NWD2: variants seen among roughly 807,000 people sequenced by gnomAD.
The protein encoded by NWD2 is NACHT and WD repeat domain containing 2, also known as NACHT and WD repeat domain-containing protein 2.
A neutral mutation model predicts 132.7 loss-of-function variants in NWD2; 37 were observed. The ratio of observed to expected loss-of-function variants is 0.28; its 90% CI spans 0.21 to 0.37. The LOEUF (loss-of-function observed/expected upper bound fraction) is 0.37. Ranked by LOEUF, NWD2 falls within the 10% of genes least tolerant of loss-of-function variation. The pLI, the probability that NWD2 is intolerant of heterozygous loss-of-function variation, is 1.00. For missense variants in NWD2, 1,592 were observed against 2,122.4 expected, an observed-to-expected ratio of 0.75 and a Z score of 4.91; for synonymous variants, 705 against 803.0, an observed-to-expected ratio of 0.88 and a Z score of 2.06.
chr4:37,395,444 C>T (rs1024349086), intron 3 of NWD2, among the ~76,000 whole-genome samples: 74 of 151,482 alleles, frequency 4.9e-4, no homozygotes, highest in Admixed American at 2.2e-3. Flanking sequence ...GACTCACTTT[C>T]AAGTAGTAAG....
chr4:37,431,731 G>A (rs916999635), intron 4 of NWD2, among the ~76,000 whole-genome samples: 3 of 152,088 alleles, frequency 2.0e-5, no homozygotes, highest in Non-Finnish European at 4.4e-5. Context: ...ATCACATTGT[G>A]CACCTTTAAA....
intron 3 of NWD2, among the ~76,000 whole-genome samples, chr4:37,425,782 C>G (rs1296829992): frequency 1.3e-5 from 2 of 152,194 alleles, no homozygotes; most frequent in African/African-American, 4.8e-5. Flanking sequence ...AAATCTGTTT[C>G]TCTTTCAGTG....
At position 37,404,537 on chromosome 4, in the gene NWD2, C is replaced by T. The variant is rs1720957787; in HGVS notation, c.358-26035C>T. 2.0e-5 allele frequency among the ~76,000 whole-genome samples: 3 copies of T among 152,212 alleles called. No homozygotes were observed. The South Asian group carries it at 6.2e-4, about 32-fold the overall frequency. On this transcript the variant is annotated intron_variant, in intron 3 of 6. Transcript: ENST00000309447. ...AGTCTGTGAGCCCTTACAGACAATA[C>T]CATGCTTTTTGTTCTTTCACCACTG... is the stretch of plus-strand genomic sequence containing the variant.
intron 1 of NWD2, among the ~76,000 whole-genome samples, chr4:37,284,038 A>G (rs1245526296): frequency 6.6e-6 from 1 of 152,238 alleles, no homozygotes; most frequent in Non-Finnish European, 1.5e-5. Context: ...ATTGTTATAA[A>G]TCAGTATAGA....
intron 1 of NWD2, among the ~76,000 whole-genome samples, chr4:37,283,472 A>G (rs1399604803): frequency 2.6e-5 from 4 of 152,198 alleles, no homozygotes; most frequent in Non-Finnish European, 4.4e-5. Flanking sequence ...ATAGGGGTCA[A>G]TGTTTCAATA....
Position 37,444,074 on chromosome 4 carries a change from A to G in NWD2, c.2086A>G (p.Arg696Gly). ...SVMSELKENT[R>G]PSNPLRVPYL... ...AATGAGTGAGCTCAAAGAAAACACC[A>G]GACCCAGCAATCCCCTGAGAGTACC... The change falls in exon 7 of 7, where the codon AGA becomes GGA. Residue 696 changes from arginine (R) to glycine (G), a missense_variant. Physicochemically the swap from Arg to Gly is moderately radical, Grantham distance 125. Around this residue, in one of 7 missense-constraint regions of NWD2, gnomAD observed 1,071 missense variants for 1,398.0 expected, o/e 0.77. Coordinates refer to ENST00000309447, the MANE Select transcript of NWD2 (RefSeq NM_001144990.2). The surrounding 1 kb of genome is among the most constrained non-coding windows in gnomAD (Gnocchi z 4.8). The G allele has an allele frequency of 6.4e-7, 1 of 1,551,828 alleles. No individual in the cohort carries two copies. Among genetic ancestry groups the G allele is most frequent in the South Asian group, 1.2e-5 (1 of 84,058 alleles).
intron 2 of NWD2, among the ~76,000 whole-genome samples, chr4:37,329,776 A>G (rs561149431): frequency 1.3e-5 from 2 of 151,952 alleles, no homozygotes; most frequent in South Asian, 2.1e-4. Flanking sequence ...CTTACCATTA[A>G]GAGGTTTGCT....
chr4:37,372,017 G>A (rs1439682223), intron 3 of NWD2, among the ~76,000 whole-genome samples: 2 of 152,078 alleles, frequency 1.3e-5, no homozygotes, highest in East Asian at 3.8e-4. Context: ...AAGGCAATTA[G>A]TATCATTTTT....
intron 1 of NWD2, among the ~76,000 whole-genome samples, chr4:37,306,258 G>GT (rs1718706497): frequency 2.0e-5 from 3 of 151,830 alleles, no homozygotes; most frequent in Admixed American, 2.0e-4. Context: ...TCTCAGTATC[G>GT]TTTATCTTTT....
Position 37,389,795 on chromosome 4 carries a change from T to C in NWD2, c.357+33313T>C, listed in dbSNP as rs980702560. 6.6e-5 allele frequency among the ~76,000 whole-genome samples: 10 copies of C among 152,116 alleles called. No homozygotes were observed. The East Asian group carries it at 1.9e-3, about 29-fold the overall frequency. On this transcript the variant is annotated intron_variant, in intron 3 of 6. Coordinates refer to ENST00000309447, the MANE Select transcript of NWD2 (RefSeq NM_001144990.2). The stretch of plus-strand genomic sequence containing the variant: ...TATCAAATCATACGCATTTTTTTTT[T>C]TACACAATGGAGTCTTGCCCTGTCA...
intron 3 of NWD2, among the ~76,000 whole-genome samples, chr4:37,382,161 C>T (rs918935116): frequency 6.6e-6 from 1 of 152,172 alleles, no homozygotes; most frequent in African/African-American, 2.4e-5. Flanking sequence ...TCCAGGCATA[C>T]TTGTATTTCG....
At chr4:37,251,025 A>G (rs1717347803) in intron 1 of NWD2, among the ~76,000 whole-genome samples, 1 of 152,250 alleles carries the variant, frequency 6.6e-6, no homozygotes, top group Non-Finnish European at 1.5e-5. Flanking sequence ...CTATAATCCC[A>G]GCACTTTGGG....
chr4:37,259,928 C>T (rs865991228), intron 1 of NWD2, among the ~76,000 whole-genome samples: 1 of 152,206 alleles, frequency 6.6e-6, no homozygotes, highest in Non-Finnish European at 1.5e-5. Flanking sequence ...TTTAAATTCC[C>T]ATGCCTTTCT....
intron 3 of NWD2, among the ~76,000 whole-genome samples, chr4:37,422,223 T>C (rs1477908114): frequency 1.3e-5 from 2 of 152,212 alleles, no homozygotes; most frequent in East Asian, 3.8e-4. Flanking sequence ...AACACACTGA[T>C]TATAATACAA....
At chr4:37,295,309 C>T (rs183514082) in intron 1 of NWD2, among the ~76,000 whole-genome samples, 4 of 152,206 alleles carry the variant, frequency 2.6e-5, no homozygotes, top group South Asian at 2.1e-4. Context: ...AGTAAATGAT[C>T]GTGTACTTTG....
In NWD2 at chr4:37,446,902, G is replaced by C. The variant is rs369544931; in HGVS notation, c.4914G>C (p.Gly1638=). Residue 1638 remains glycine, a synonymous_variant, in exon 7 of 7, where the codon GGG becomes GGC. Transcript: ENST00000309447. The surrounding 1 kb of genome is among the most constrained non-coding windows in gnomAD (Gnocchi z 6.7). ...ACATCATTGTGGGCTTTGATGATGG[G>C]AGTATAGGGATCTACACGGTAGTAG... ...HLNIIVGFDD[G]SIGIYTVVDR... 6.4e-7 allele frequency: 1 copy of C among 1,551,624 alleles called. No homozygotes were observed. The highest frequency in any genetic ancestry group is 8.7e-7 in the Non-Finnish European group (1 of 1,147,014).
In NWD2 at chr4:37,444,857, A is replaced by C. The variant is rs1347615265; in HGVS notation, c.2869A>C (p.Ser957Arg). The change falls in exon 7 of 7, where the codon AGC becomes CGC. Residue 957 changes from serine to arginine, a missense_variant. Ser to Arg is a moderately radical substitution (Grantham distance 110). Coordinates refer to ENST00000309447, the MANE Select transcript of NWD2 (RefSeq NM_001144990.2). The surrounding 1 kb of genome is among the most constrained non-coding windows in gnomAD (Gnocchi z 4.8). ...GCATTCATCCATGGATGTGACATAC[A>C]GCCCAGAGCGTCTTCCCTTATCATC... ...PLHSSMDVTY[S>R]PERLPLSSSH... The C allele has an allele frequency of 5.2e-6, 8 of 1,552,152 alleles. No individual in the cohort carries two copies. Among genetic ancestry groups the C allele is most frequent in the Non-Finnish European group, 7.0e-6 (8 of 1,147,132 alleles).
chr4:37,329,739 T>C (rs143726396), intron 2 of NWD2, among the ~76,000 whole-genome samples: 108 of 152,334 alleles, frequency 7.1e-4, no homozygotes, highest in African/African-American at 2.5e-3. Context: ...TTTATTGAGT[T>C]GGAAGGGAAA....
rs73809825 is a variant in NWD2, at chr4:37,444,416, G to T, written c.2428G>T (p.Ala810Ser). The T allele has an allele frequency of 6.4e-7, 1 of 1,552,084 alleles. No individual in the cohort carries two copies. Among genetic ancestry groups the T allele is most frequent in the East Asian group, 2.4e-5 (1 of 40,916 alleles). The change falls in exon 7 of 7, where the codon GCT becomes TCT. Residue 810 changes from alanine (A) to serine (S), a missense_variant. Coordinates refer to ENST00000309447, the MANE Select transcript of NWD2 (RefSeq NM_001144990.2). The surrounding 1 kb of genome is among the most constrained non-coding windows in gnomAD (Gnocchi z 4.8). ...FMEQASFDRQ[A>S]PDQPWVFQCN... ...GGAACAGGCTTCCTTTGACAGGCAG[G>T]CTCCAGACCAGCCCTGGGTTTTCCA...
Sources: allele counts gnomAD v4.1 joint callset (sites outside exome capture counted in the v4.1 genomes callset), GRCh38; gene constraint gnomAD v4.1.1; regional missense constraint gnomAD v4.1.1; non-coding constraint Gnocchi (gnomAD v3.1); transcripts MANE v1.5; gene names NCBI Gene and HGNC (gene_info 2026-07-23, HGNC 2026-07-21).